RNGTT: variants seen among roughly 807,000 people sequenced by gnomAD.
RNGTT encodes mRNA-capping enzyme.
Under a neutral mutation model 79.3 loss-of-function variants are expected in RNGTT, and 33 were observed. The ratio of observed to expected loss-of-function variants is 0.42; its 90% CI spans 0.32 to 0.56. The LOEUF (loss-of-function observed/expected upper bound fraction) is 0.56. Among genes scored for constraint, RNGTT ranks in the 20% least tolerant of loss-of-function variants. The probability of loss-of-function intolerance (pLI) is 0.17; values close to 1 mark genes in which losing one functional copy is unlikely to be tolerated. For missense variants in RNGTT, 497 were observed against 739.1 expected (o/e 0.67, Z 3.80); for synonymous variants, 222 against 235.9 (o/e 0.94, Z 0.54).
At chr6:88,862,428 G>A (rs1041035807) in intron 8 of RNGTT, among the ~76,000 whole-genome samples, 22 of 152,256 alleles carry the variant, frequency 1.4e-4, no homozygotes, top group African/African-American at 4.8e-4. Context: ...CTGGAGGGTG[G>A]CACATCCAGG....
At chr6:88,632,173 G>T (rs1772914480) in intron 14 of RNGTT, among the ~76,000 whole-genome samples, 1 of 152,070 alleles carries the variant, frequency 6.6e-6, no homozygotes, top group African/African-American at 2.4e-5. Context: ...TGTTGCCCAG[G>T]CTGGTCTCAA....
chr6:88,867,565 C>A (rs1254361548), intron 8 of RNGTT, among the ~76,000 whole-genome samples: 1 of 151,404 alleles, frequency 6.6e-6, no homozygotes, highest in Non-Finnish European at 1.5e-5. Flanking sequence ...TTTAAAAATT[C>A]TTTTAATCTG....
At chr6:88,920,130 T>C (rs921449367) in intron 4 of RNGTT, among the ~76,000 whole-genome samples, 1 of 152,138 alleles carries the variant, frequency 6.6e-6, no homozygotes, top group South Asian at 2.1e-4. Context: ...TCTAAAAAAT[T>C]ATTTAATATA....
At chr6:88,885,425 CA>C (rs1782824634) in intron 8 of RNGTT, among the ~76,000 whole-genome samples, 3 of 152,224 alleles carry the variant, frequency 2.0e-5, no homozygotes, top group African/African-American at 7.2e-5. Context: ...ATTACTAAAA[CA>C]GATTATAACC....
At chr6:88,951,159 A>G (rs1378087946) in intron 1 of RNGTT, among the ~76,000 whole-genome samples, 1 of 152,106 alleles carries the variant, frequency 6.6e-6, no homozygotes, top group African/African-American at 2.4e-5. Flanking sequence ...GCACCTGGCC[A>G]ATACAAACAT....
At chr6:88,780,379 T>C (rs565642152) in intron 12 of RNGTT, among the ~76,000 whole-genome samples, 1 of 152,244 alleles carries the variant, frequency 6.6e-6, no homozygotes, top group East Asian at 1.9e-4. Context: ...AGCAAATATA[T>C]TACAAATACA....
At chr6:88,820,549 C>T (rs575444908) in intron 11 of RNGTT, among the ~76,000 whole-genome samples, 2 of 152,268 alleles carry the variant, frequency 1.3e-5, no homozygotes, top group South Asian at 4.1e-4. Context: ...TAAACAAAAA[C>T]TCCTGGAACT....
chr6:88,632,689 G>C (rs1395990614), intron 14 of RNGTT, among the ~76,000 whole-genome samples: 1 of 151,426 alleles, frequency 6.6e-6, no homozygotes, highest in Non-Finnish European at 1.5e-5. Context: ...CCACTTAATG[G>C]ATTTCGAAAC....
Position 88,610,452 on chromosome 6 carries a change from T to C in RNGTT, c.*2267A>G, listed in dbSNP as rs1771981611. 6.6e-6 allele frequency: 1 copy of C among 152,426 alleles called. No homozygotes were observed. The highest frequency in any genetic ancestry group is 6.6e-5 in the Admixed American group (1 of 15,266). The allele number at this position is 152,426 out of a possible 1,614,324, so 9.4% of individuals were successfully genotyped here. Reference sequence around the variant, plus strand: ...ATGTGATAACTGAAGAAAGCAAAGTTTTCTTATTCTTGTCTAAAAAACTTC... The same window carrying C: ...ATGTGATAACTGAAGAAAGCAAAGTCTTCTTATTCTTGTCTAAAAAACTTC... On this transcript the variant is annotated 3_prime_UTR_variant, in exon 16 of 16. Coordinates refer to ENST00000369485, the MANE Select transcript of RNGTT (RefSeq NM_003800.5).
intron 13 of RNGTT, among the ~76,000 whole-genome samples, chr6:88,715,469 A>G (rs935892131): frequency 3.9e-5 from 6 of 152,168 alleles, no homozygotes; most frequent in Non-Finnish European, 7.3e-5. Flanking sequence ...AAACTACTTT[A>G]AAGTTCATAT....
chr6:88,907,207 C>T (rs1197450668), intron 4 of RNGTT, among the ~76,000 whole-genome samples: 1 of 152,198 alleles, frequency 6.6e-6, no homozygotes, highest in Non-Finnish European at 1.5e-5. Flanking sequence ...TGGTTTGGCT[C>T]TGTGTCCCCG....
At chr6:88,871,554 A>G (rs997513657) in intron 8 of RNGTT, among the ~76,000 whole-genome samples, 1 of 152,194 alleles carries the variant, frequency 6.6e-6, no homozygotes, top group Admixed American at 6.5e-5. Context: ...AGATTAGATT[A>G]TAAACAGACT....
chr6:88,857,806 T>G (rs1781888290), intron 8 of RNGTT, among the ~76,000 whole-genome samples: 1 of 152,144 alleles, frequency 6.6e-6, no homozygotes, highest in Non-Finnish European at 1.5e-5. Flanking sequence ...CTGCCCCATC[T>G]CTATGTATTA....
At chr6:88,678,240 C>T (rs141826783) in intron 14 of RNGTT, 113 bp downstream of exon 14, 4 of 1,435,750 alleles carry the variant, frequency 2.8e-6, no homozygotes, top group Admixed American at 4.5e-5. Context: ...GTCTTAGCCT[C>T]CCAAAGTGCT....
chr6:88,853,604 T>C (rs1232019222), intron 9 of RNGTT, 25 bp downstream of exon 9: 1 of 1,450,624 alleles, frequency 6.9e-7, no homozygotes, highest in East Asian at 2.4e-5. Flanking sequence ...TGTTTAATTT[T>C]ATAGTATACA....
chr6:88,640,880 A>G (rs1773289476), intron 14 of RNGTT, among the ~76,000 whole-genome samples: 1 of 152,212 alleles, frequency 6.6e-6, no homozygotes, highest in African/African-American at 2.4e-5. Flanking sequence ...ATTAATGGAA[A>G]GAAGTAGATG....
At chr6:88,945,943 C>T (rs1171588641) in intron 1 of RNGTT, among the ~76,000 whole-genome samples, 2 of 152,164 alleles carry the variant, frequency 1.3e-5, no homozygotes, top group East Asian at 1.9e-4. Flanking sequence ...GAAGAGTAGC[C>T]TGGGAAAGTT....
At chr6:88,924,367 C>T (rs527794104) in intron 4 of RNGTT, among the ~76,000 whole-genome samples, 2 of 152,236 alleles carry the variant, frequency 1.3e-5, no homozygotes, top group African/African-American at 4.8e-5. Context: ...GTAAATTGCT[C>T]TTTCATTGTT....
chr6:88,767,084 A>G (rs190558854), intron 13 of RNGTT, among the ~76,000 whole-genome samples: 9 of 152,242 alleles, frequency 5.9e-5, no homozygotes, highest in Admixed American at 5.9e-4. Context: ...GGCTAACCGA[A>G]TATGTTTTAT....
Sources: gnomAD v4.1 joint callset for allele counts (sites outside exome capture counted in the v4.1 genomes callset) on GRCh38, gnomAD v4.1.1 for gene constraint, MANE v1.5 for transcripts, NCBI Gene and HGNC (gene_info 2026-07-23, HGNC 2026-07-21) for gene names.